Variants in GUCY1A2 observed in about 807,000 individuals in gnomAD.
GUCY1A2 encodes guanylate cyclase soluble subunit alpha-2.
Under a neutral mutation model 63.5 loss-of-function variants are expected in GUCY1A2, and 27 were observed. The ratio of observed to expected loss-of-function variants is 0.43; its 90% confidence interval spans 0.31 to 0.59. GUCY1A2 has a LOEUF of 0.59. Among genes scored for constraint, GUCY1A2 ranks in the 20% least tolerant of loss-of-function variants. GUCY1A2 has a pLI of 0.11. For synonymous variants in GUCY1A2, 364 were observed against 343.5 expected (o/e 1.06, Z -0.66); for missense variants, 768 against 913.3 (o/e 0.84, Z 2.05).
intron 4 of GUCY1A2, among the ~76,000 whole-genome samples, chr11:106,814,541 C>A (rs1016710444): frequency 6.6e-6 from 1 of 151,974 alleles, no homozygotes; most frequent in African/African-American, 2.4e-5. Context: ...TAATTTTGCA[C>A]AACAAATGCC....
chr11:106,785,724 G>A (rs1591276205), intron 5 of GUCY1A2, among the ~76,000 whole-genome samples: 1 of 152,080 alleles, frequency 6.6e-6, no homozygotes, highest in East Asian at 1.9e-4. Flanking sequence ...TAGATTCCCA[G>A]GCTCCACTTG....
At chr11:106,698,654 A>C (rs1175363083) in intron 7 of GUCY1A2, among the ~76,000 whole-genome samples, 1 of 152,130 alleles carries the variant, frequency 6.6e-6, no homozygotes, top group African/African-American at 2.4e-5. Context: ...CTATTAAGTA[A>C]ATTACAGACT....
At chr11:106,776,746 C>A (rs1246481576) in intron 5 of GUCY1A2, among the ~76,000 whole-genome samples, 164 bp from the exon 6 acceptor site, 3 of 152,118 alleles carry the variant, frequency 2.0e-5, no homozygotes, top group African/African-American at 7.2e-5. Flanking sequence ...TTGCAAACAG[C>A]CACAGTCAAA....
Position 106,924,760 on chromosome 11 carries a change from T to A in GUCY1A2, c.1206+14700A>T, listed in dbSNP as rs551531159. 3.3e-5 allele frequency among the ~76,000 whole-genome samples: 5 copies of A among 152,206 alleles called. No individual in the cohort carries two copies. The South Asian group carries it at 1.0e-3, about 32-fold the overall frequency. On this transcript the variant is annotated intron_variant, in intron 4 of 7. Transcript: ENST00000526355. ...TGGCTCATGTCTGTAATCCCAGCAC[T>A]TTGGGAGGTCGAGGAGGGTGGATCG... is the stretch of plus-strand genomic sequence containing the variant.
At chr11:106,754,293 A>G (rs577141815) in intron 6 of GUCY1A2, among the ~76,000 whole-genome samples, 10 of 152,312 alleles carry the variant, frequency 6.6e-5, no homozygotes, top group South Asian at 4.2e-4. Context: ...CAATCATGTC[A>G]TCTGCAAACA....
In GUCY1A2 at chr11:106,678,784, TTA is replaced by T. The variant is rs1395439677; in HGVS notation, c.*8763_*8764del. ...ATTATTTGACTATTATCCTTAATGT[TTA>T]TGTTATTTTAAAAAGTGTAATATTT... On this transcript the variant is annotated 3_prime_UTR_variant, in exon 8 of 8. Coordinates refer to ENST00000526355, the MANE Select transcript of GUCY1A2 (RefSeq NM_000855.3). The T allele has an allele frequency of 2.5e-5, 5 of 196,786 alleles. No homozygotes were observed. The highest frequency in any genetic ancestry group is 1.9e-4 in the South Asian group (1 of 5,210). 12.2% of individuals were successfully genotyped at this position (196,786 alleles called of 1,614,324 possible). A position where few individuals can be genotyped will look rare whatever the true frequency, so the allele number is the denominator to read the frequency against.
intron 6 of GUCY1A2, among the ~76,000 whole-genome samples, chr11:106,743,528 C>G (rs140804497): frequency 6.6e-6 from 1 of 152,332 alleles, no homozygotes; most frequent in African/African-American, 2.4e-5. Flanking sequence ...GCACCTGTCT[C>G]TCTTCCTGTC....
At position 106,678,701 on chromosome 11, in the gene GUCY1A2, C is replaced by T. The variant is rs184995351; in HGVS notation, c.*8848G>A. The T allele has an allele frequency of 8.2e-4, 168 of 206,012 alleles. 1 individual carries two copies. Among genetic ancestry groups the T allele is most frequent in the Admixed American group, 1.5e-3 (25 of 16,718 alleles). The allele number at this position is 206,012 out of a possible 1,614,324, so 12.8% of individuals were successfully genotyped here. Reference sequence around the variant, plus strand: ...AATTGGTTTTGACTTAGATTTTATTCCGAGAAGTTTACAATGCGTTGTTCT... The same window carrying T: ...AATTGGTTTTGACTTAGATTTTATTTCGAGAAGTTTACAATGCGTTGTTCT... On this transcript the variant is annotated 3_prime_UTR_variant, in exon 8 of 8. Transcript: ENST00000526355.
intron 3 of GUCY1A2, among the ~76,000 whole-genome samples, chr11:106,943,195 C>T (rs999248753): frequency 6.6e-6 from 1 of 152,120 alleles, no homozygotes; most frequent in Non-Finnish European, 1.5e-5. Context: ...TCAGAAAGCA[C>T]AGACAAAGTA....
At chr11:106,912,964 G>A (rs1400314584) in intron 4 of GUCY1A2, among the ~76,000 whole-genome samples, 1 of 152,060 alleles carries the variant, frequency 6.6e-6, no homozygotes, top group East Asian at 1.9e-4. Context: ...TAAATATTTT[G>A]TATCAAACAA....
intron 7 of GUCY1A2, among the ~76,000 whole-genome samples, chr11:106,703,678 G>A (rs1443566478): frequency 6.6e-6 from 1 of 152,068 alleles, no homozygotes; most frequent in African/African-American, 2.4e-5. Flanking sequence ...TGTCAGACTT[G>A]TGCCCTATAG....
At chr11:106,775,438 T>C (rs987929551) in intron 6 of GUCY1A2, among the ~76,000 whole-genome samples, 1 of 151,028 alleles carries the variant, frequency 6.6e-6, no homozygotes, top group African/African-American at 2.4e-5. Flanking sequence ...CTTCTATCAT[T>C]GCTAATAACA....
chr11:107,001,978 C>T (rs755462160), intron 1 of GUCY1A2, among the ~76,000 whole-genome samples: 49 of 150,858 alleles, frequency 3.2e-4, no homozygotes, highest in Non-Finnish European at 5.6e-4. Flanking sequence ...GAGATCGCAA[C>T]ACTACACAGC....
chr11:106,733,891 T>C (rs538627970), intron 6 of GUCY1A2, among the ~76,000 whole-genome samples: 210 of 152,076 alleles, frequency 1.4e-3, no homozygotes, highest in Non-Finnish European at 2.3e-3. Context: ...CTCTTGAAAA[T>C]GCATTCCTCA....
intron 6 of GUCY1A2, among the ~76,000 whole-genome samples, chr11:106,721,366 T>C (rs1863314046): frequency 6.6e-6 from 1 of 152,260 alleles, no homozygotes; most frequent in East Asian, 1.9e-4. Flanking sequence ...GCCAACAAAA[T>C]GTTTCTTATT....
Position 106,676,133 on chromosome 11 carries a change from C to A in GUCY1A2, c.*11416G>T, listed in dbSNP as rs964754783. 9 of 180,362 alleles carry A rather than the reference C, an allele frequency of 5.0e-5. No individual in the cohort carries two copies. Among genetic ancestry groups the A allele is most frequent in the Non-Finnish European group, 8.3e-5 (7 of 84,504 alleles). 11.2% of individuals were successfully genotyped at this position (180,362 alleles called of 1,614,324 possible). A position where few individuals can be genotyped will look rare whatever the true frequency, so the allele number is the denominator to read the frequency against. ...ATCTTAATACATAAAAATAAAAAAC[C>A]AGAAAGAATACAATTTTAAGTTTGG... On this transcript the variant is annotated 3_prime_UTR_variant, in exon 8 of 8. Coordinates refer to ENST00000526355, the MANE Select transcript of GUCY1A2 (RefSeq NM_000855.3).
At chr11:106,885,717 G>A (rs755269173) in intron 4 of GUCY1A2, among the ~76,000 whole-genome samples, 1 of 152,106 alleles carries the variant, frequency 6.6e-6, no homozygotes, top group Non-Finnish European at 1.5e-5. Context: ...TAGATTATAT[G>A]AGATAACAAG....
rs973461562 is a variant in GUCY1A2 at position 106,687,209 on chromosome 11, T to C, written c.*340A>G. The C allele has an allele frequency of 3.8e-6, 1 of 262,374 alleles. No homozygotes were observed. The highest frequency in any genetic ancestry group is 2.2e-5 in the African/African-American group (1 of 45,824). 16.3% of individuals were successfully genotyped at this position (262,374 alleles called of 1,614,324 possible). A position where few individuals can be genotyped will look rare whatever the true frequency, so the allele number is the denominator to read the frequency against. ...GGCTCTCAAAAGTGGTACAAATATA[T>C]AGGGAAAGATACTTGTATGTGTGAT... On this transcript the variant is annotated 3_prime_UTR_variant, in exon 8 of 8. Transcript: ENST00000526355.
intron 4 of GUCY1A2, among the ~76,000 whole-genome samples, chr11:106,846,870 CA>C (rs1397651028): frequency 6.6e-6 from 1 of 151,216 alleles, no homozygotes; most frequent in Non-Finnish European, 1.5e-5. Flanking sequence ...CACCATGTAT[CA>C]GGGGAAAAGG....
Sources: allele counts gnomAD v4.1 joint callset (sites outside exome capture counted in the v4.1 genomes callset), GRCh38; gene constraint gnomAD v4.1.1; transcripts MANE v1.5; gene names NCBI Gene and HGNC (gene_info 2026-07-23, HGNC 2026-07-21).